Variants in NTM observed in about 807,000 individuals in gnomAD.
NTM encodes IgLON family member 2.
NTM carries 13 observed loss-of-function variants against 42.1 expected under a neutral mutation model. The ratio of observed to expected loss-of-function variants is 0.31; its 90% CI spans 0.20 to 0.49. The LOEUF is 0.49. Among genes scored for constraint, NTM ranks in the 20% least tolerant of loss-of-function variants. The pLI is 0.99. For missense variants in NTM, 373 were observed against 452.8 expected, an observed-to-expected ratio of 0.82 and a Z score of 1.60; for synonymous variants, 187 against 179.2, an observed-to-expected ratio of 1.04 and a Z score of -0.35.
At chr11:131,673,036 A>G (rs7127100) in intron 1 of NTM, among the ~76,000 whole-genome samples, 7 of 126,318 alleles carry the variant, frequency 5.5e-5, no homozygotes, top group African/African-American at 2.2e-4. Flanking sequence ...AGAGAAGACC[A>G]CGGTGCCGGG....
At chr11:131,515,237 T>G (rs1272951333) in intron 1 of NTM, among the ~76,000 whole-genome samples, 1 of 152,000 alleles carries the variant, frequency 6.6e-6, no homozygotes, top group Non-Finnish European at 1.5e-5. Context: ...GATTCTGGAT[T>G]TGTACCAAGA....
Position 131,527,561 on chromosome 11 carries a change from A to G in NTM, c.82+156673A>G, listed in dbSNP as rs141387107. On this transcript the variant is annotated intron_variant, in intron 1 of 8. Transcript: ENST00000683400. The stretch of plus-strand genomic sequence containing the variant: ...ACTCTGTTCTGCCTTAGTTGGGGAT[A>G]GAGAAGGAGGAAAAAGCCTCATTAT... 5.9e-4 allele frequency among the ~76,000 whole-genome samples: 90 copies of G among 152,356 alleles called. 2 individuals are homozygous for G. The highest frequency in any genetic ancestry group is 2.0e-3 in the African/African-American group (84 of 41,592).
At chr11:131,462,643 A>G (rs984504302) in intron 1 of NTM, among the ~76,000 whole-genome samples, 28 of 152,194 alleles carry the variant, frequency 1.8e-4, no homozygotes, top group East Asian at 9.6e-4. Flanking sequence ...AGGGGATCTG[A>G]TTCTGTTTCA....
At chr11:132,252,683 A>G (rs925409411) in intron 4 of NTM, among the ~76,000 whole-genome samples, 2 of 152,186 alleles carry the variant, frequency 1.3e-5, no homozygotes, top group African/African-American at 4.8e-5. Context: ...GCTCGGATAC[A>G]TGAATACCTG....
chr11:132,134,330 TA>T (rs1178531896), intron 2 of NTM, among the ~76,000 whole-genome samples: 2 of 152,270 alleles, frequency 1.3e-5, no homozygotes, highest in East Asian at 1.9e-4. Context: ...TTTATTTATT[TA>T]TTTTTTTATT....
chr11:131,991,637 T>G (rs2067038552), intron 2 of NTM, among the ~76,000 whole-genome samples: 1 of 152,196 alleles, frequency 6.6e-6, no homozygotes, highest in African/African-American at 2.4e-5. Context: ...GTAGCTATTT[T>G]AGGACACAGG....
At chr11:131,649,862 A>G (rs1301130792) in intron 1 of NTM, among the ~76,000 whole-genome samples, 1 of 152,208 alleles carries the variant, frequency 6.6e-6, no homozygotes, top group Non-Finnish European at 1.5e-5. Flanking sequence ...TTGCAAAGTT[A>G]GCATTTCCCA....
chr11:131,613,106 A>G (rs1381216575), intron 1 of NTM, among the ~76,000 whole-genome samples: 3 of 151,768 alleles, frequency 2.0e-5, no homozygotes, highest in Non-Finnish European at 1.5e-5. Flanking sequence ...CTCCATTCCC[A>G]CTTCCCTTAC....
At chr11:132,113,436 T>A (rs1197325129) in intron 2 of NTM, among the ~76,000 whole-genome samples, 3 of 152,184 alleles carry the variant, frequency 2.0e-5, no homozygotes, top group African/African-American at 4.8e-5. Context: ...ACGTACACAT[T>A]TTCCCTCTAG....
At chr11:132,189,122 T>A (rs1227708938) in intron 3 of NTM, among the ~76,000 whole-genome samples, 4 of 152,092 alleles carry the variant, frequency 2.6e-5, no homozygotes, top group African/African-American at 9.7e-5. Flanking sequence ...AGGTGGTGGA[T>A]GATAGAAAGG....
chr11:131,740,048 C>A (rs900492152), intron 1 of NTM, among the ~76,000 whole-genome samples: 4 of 152,130 alleles, frequency 2.6e-5, no homozygotes, highest in Non-Finnish European at 5.9e-5. Context: ...CACTTTACTG[C>A]GCAGATTGCT....
intron 1 of NTM, among the ~76,000 whole-genome samples, chr11:131,751,918 CAG>C (rs2082608777): frequency 6.6e-6 from 1 of 152,188 alleles, no homozygotes; most frequent in Admixed American, 6.5e-5. Flanking sequence ...ATTTTAGACT[CAG>C]TGGCTGTAGT....
chr11:131,992,160 C>T (rs1318707361), intron 2 of NTM, among the ~76,000 whole-genome samples: 2 of 152,098 alleles, frequency 1.3e-5, no homozygotes, highest in East Asian at 1.9e-4. Context: ...TCAAACTACT[C>T]GATGTGACGA....
At chr11:132,041,052 A>T (rs1032837350) in intron 2 of NTM, among the ~76,000 whole-genome samples, 1 of 152,240 alleles carries the variant, frequency 6.6e-6, no homozygotes, top group Non-Finnish European at 1.5e-5. Flanking sequence ...TGTTCCTAAA[A>T]TAAGCATGCT....
chr11:131,887,716 C>A (rs2050628137), intron 1 of NTM, among the ~76,000 whole-genome samples: 1 of 152,228 alleles, frequency 6.6e-6, no homozygotes. Flanking sequence ...TGTGTATACA[C>A]ATCTATCTTC....
At chr11:131,592,448 T>C (rs1446600616) in intron 1 of NTM, among the ~76,000 whole-genome samples, 3 of 151,782 alleles carry the variant, frequency 2.0e-5, no homozygotes, top group Non-Finnish European at 4.4e-5. Context: ...AGGGCAGTGC[T>C]TGAATGATTC....
intron 1 of NTM, among the ~76,000 whole-genome samples, chr11:131,581,694 A>G (rs564796600): frequency 4.6e-5 from 7 of 152,262 alleles, no homozygotes; most frequent in Non-Finnish European, 7.4e-5. Flanking sequence ...ACTTAACACA[A>G]GTGACTCCGT....
Position 132,320,554 on chromosome 11 carries a change from A to G in NTM, c.934+5851A>G, listed in dbSNP as rs180682084. On this transcript the variant is annotated intron_variant, in intron 7 of 8. Coordinates refer to ENST00000683400, the MANE Select transcript of NTM (RefSeq NM_001352005.2). ...CCACGGAGTCTCGCTGATTGCTAGC[A>G]CAGCAGTCTGACATCAAACTGCAAG... Among the ~76,000 whole-genome samples the G allele has an allele frequency of 7.6e-3, 1,152 of 152,284 alleles. 9 individuals carry two copies. Among genetic ancestry groups the G allele is most frequent in the African/African-American group, 0.018 (769 of 41,572 alleles).
chr11:131,408,423 C>T (rs1232409845), intron 1 of NTM, among the ~76,000 whole-genome samples: 1 of 152,122 alleles, frequency 6.6e-6, no homozygotes, highest in Non-Finnish European at 1.5e-5. Flanking sequence ...GGTGAAGCAT[C>T]TAGAAGGTGC....
Sources: gnomAD v4.1 joint callset for allele counts (sites outside exome capture counted in the v4.1 genomes callset) on GRCh38, gnomAD v4.1.1 for gene constraint, MANE v1.5 for transcripts, NCBI Gene and HGNC (gene_info 2026-07-23, HGNC 2026-07-21) for gene names.